The following SLC2A9 variants were observed in gnomAD, a reference collection of about 807,000 sequenced individuals.
SLC2A9 encodes solute carrier family 2 member 9.
SLC2A9 carries 39 observed loss-of-function variants against 50.6 expected under a neutral mutation model. The ratio of observed to expected loss-of-function variants is 0.77; its 90% CI spans 0.60 to 1.01. The LOEUF (loss-of-function observed/expected upper bound fraction) is 1.01, where lower values mean the gene tolerates loss of function less well. SLC2A9 is among the 50% of genes least tolerant of loss of function. The pLI is 0.00. For missense variants in SLC2A9, 686 were observed against 677.6 expected, an observed-to-expected ratio of 1.01 and a Z score of -0.14; for synonymous variants, 324 against 276.9, an observed-to-expected ratio of 1.17 and a Z score of -1.69.
chr4:9,856,890 AATTAT>A (rs1730814584), intron 10 of SLC2A9, among the ~76,000 whole-genome samples: 1 of 152,198 alleles, frequency 6.6e-6, no homozygotes, highest in African/African-American at 2.4e-5. Context: ...ACATGTTCTC[AATTAT>A]AAGTGGGAGC....
intron 3 of SLC2A9, among the ~76,000 whole-genome samples, chr4:9,816,001 C>G (rs559368942): frequency 2.8e-4 from 43 of 152,078 alleles, no homozygotes; most frequent in Non-Finnish European, 3.5e-4. Context: ...GAAACTCCAT[C>G]TCTACTAAAA....
chr4:9,839,505 A>C (rs2109197197), intron 10 of SLC2A9, among the ~76,000 whole-genome samples: 1 of 152,254 alleles, frequency 6.6e-6, no homozygotes. Context: ...AAGGAATACA[A>C]ATACAAAGAT....
At chr4:9,816,439 G>T (rs62293247) in intron 3 of SLC2A9, among the ~76,000 whole-genome samples, 212 of 152,236 alleles carry the variant, frequency 1.4e-3, no homozygotes, top group Non-Finnish European at 2.5e-3. Flanking sequence ...TATGCAGCAT[G>T]AATAAGTTCT....
chr4:9,850,609 C>T (rs758846539), intron 10 of SLC2A9, among the ~76,000 whole-genome samples: 11 of 152,106 alleles, frequency 7.2e-5, no homozygotes, highest in Non-Finnish European at 1.3e-4. Context: ...GTCAGACCAT[C>T]GAAGAACTCT....
At chr4:9,778,172 C>T (rs1287017290), downstream of SLC2A9, among the ~76,000 whole-genome samples, 1 of 151,534 alleles carries the variant, frequency 6.6e-6, no homozygotes, top group Non-Finnish European at 1.5e-5. Flanking sequence ...TGCAGTGGTG[C>T]GATCTCGGCT....
At chr4:10,030,029 C>A (rs553854739) in intron 1 of SLC2A9, among the ~76,000 whole-genome samples, 1 of 152,144 alleles carries the variant, frequency 6.6e-6, no homozygotes, top group South Asian at 2.1e-4. Flanking sequence ...TGCATGAAAT[C>A]TAATGGTAAA....
At chr4:10,028,915 C>T (rs960857331) in intron 1 of SLC2A9, 1 of 152,336 alleles carries the variant, frequency 6.6e-6, no homozygotes, top group African/African-American at 2.4e-5. Flanking sequence ...GAAGCTTCAG[C>T]CCAATCCCTT....
chr4:9,814,678 T>C (rs1723336352), intron 3 of SLC2A9, among the ~76,000 whole-genome samples: 1 of 152,152 alleles, frequency 6.6e-6, no homozygotes, highest in African/African-American at 2.4e-5. Flanking sequence ...TCCCTTTATG[T>C]GGTCTTTCAT....
intron 3 of SLC2A9, chr4:9,782,368 C>A (rs370317852): frequency 2.5e-6 from 4 of 1,614,042 alleles, no homozygotes; most frequent in Non-Finnish European, 3.4e-6. Flanking sequence ...GAGCGTTCTG[C>A]GACGTCTGGG....
At position 9,821,136 on chromosome 4, in the gene SLC2A9, G is replaced by C. The variant is rs750186585; in HGVS notation, n.420+5284C>G. On this transcript the variant is annotated intron_variant and non_coding_transcript_variant, in intron 3 of 3. Transcript: ENST00000503280. ...TGGTTTGGTAAGTGTTTTGAACATA[G>C]AGGGATGTTGAATTTCATCAAATGT... Among the ~76,000 whole-genome samples, 63 of 152,288 alleles carry C rather than the reference G, an allele frequency of 4.1e-4. 1 individual carries two copies. Among genetic ancestry groups the C allele is most frequent in the Non-Finnish European group, 3.8e-4 (26 of 68,012 alleles).
downstream of SLC2A9, among the ~76,000 whole-genome samples, chr4:9,776,807 G>A (rs760306088): frequency 1.2e-4 from 19 of 152,140 alleles, no homozygotes; most frequent in Non-Finnish European, 2.5e-4. Flanking sequence ...CCAGTTCAGA[G>A]GACATTAATT....
At chr4:9,947,974 T>C (rs1474226096) in intron 5 of SLC2A9, among the ~76,000 whole-genome samples, 2 of 152,150 alleles carry the variant, frequency 1.3e-5, no homozygotes, top group Non-Finnish European at 2.9e-5. Context: ...TAAATTCTTC[T>C]TTCAGATAAG....
intron 11 of SLC2A9, 41 bp downstream of exon 11, chr4:9,834,840 A>G (rs762353961): frequency 2.5e-6 from 4 of 1,613,918 alleles, no homozygotes; most frequent in Non-Finnish European, 3.4e-6. Context: ...CTGCAGAATC[A>G]AAGGGAACCC....
chr4:9,775,830 G>A, downstream of SLC2A9, among the ~76,000 whole-genome samples: 1 of 152,064 alleles, frequency 6.6e-6, no homozygotes, highest in East Asian at 1.9e-4. Context: ...TTTCTTTATA[G>A]CAATGCAAGG....
chr4:10,020,993 A>G (rs941688927), intron 1 of SLC2A9, among the ~76,000 whole-genome samples: 3 of 152,218 alleles, frequency 2.0e-5, no homozygotes, highest in Non-Finnish European at 4.4e-5. Context: ...GAAGAGGGAC[A>G]CCACCATGCA....
intron 6 of SLC2A9, among the ~76,000 whole-genome samples, chr4:9,926,491 C>T (rs767972579): frequency 2.0e-5 from 3 of 151,146 alleles, no homozygotes; most frequent in Non-Finnish European, 2.9e-5. Context: ...AACCAGTGTT[C>T]GATGTTGGCA....
chr4:9,780,365 A>C lies in SLC2A9; in HGVS notation n.386-300T>G, dbSNP rs1471891666. Among the ~76,000 whole-genome samples the C allele has an allele frequency of 1.3e-5, 2 of 152,056 alleles. 1 individual carries two copies. The highest frequency in any genetic ancestry group is 4.8e-5 in the African/African-American group (2 of 41,404). On this transcript the variant is annotated intron_variant and non_coding_transcript_variant, in intron 3 of 3. Transcript: ENST00000503803. The stretch of plus-strand genomic sequence containing the variant: ...AGATGAGGAGAGACCAGAGGTGAGG[A>C]TGGCCCTTCAGTTTCAGGTTTAGGC...
chr4:9,963,067 C>T (rs1752520926), intron 5 of SLC2A9, among the ~76,000 whole-genome samples: 1 of 152,158 alleles, frequency 6.6e-6, no homozygotes, highest in South Asian at 2.1e-4. Flanking sequence ...TAACAGACTT[C>T]CACAGTTTAA....
chr4:9,885,299 A>C (rs1735996922), intron 10 of SLC2A9, among the ~76,000 whole-genome samples: 1 of 152,188 alleles, frequency 6.6e-6, no homozygotes, highest in South Asian at 2.1e-4. Flanking sequence ...AGGCTTGAGA[A>C]ATTGATAAGA....
Sources: allele counts gnomAD v4.1 joint callset (sites outside exome capture counted in the v4.1 genomes callset), GRCh38; gene constraint gnomAD v4.1.1; transcripts MANE v1.5; gene names NCBI Gene and HGNC (gene_info 2026-07-23, HGNC 2026-07-21).